The following SNRPB2 variants were observed in gnomAD, a reference collection of about 807,000 sequenced individuals.
The protein encoded by SNRPB2 is U2 small nuclear ribonucleoprotein B''.
A neutral mutation model predicts 26.3 loss-of-function variants in SNRPB2; 16 were observed. The observed-to-expected ratio is 0.61, with a 90% CI of 0.41 to 0.92. The LOEUF (loss-of-function observed/expected upper bound fraction) is 0.92, where lower values mean the gene tolerates loss of function less well. Among genes scored for constraint, SNRPB2 ranks in the 40% least tolerant of loss-of-function variants. SNRPB2 has a pLI of 0.00. For missense variants in SNRPB2, 179 were observed against 268.1 expected (o/e 0.67, Z 2.32); for synonymous variants, 75 against 89.0 (o/e 0.84, Z 0.88).
chr20:16,737,388 A>T lies in SNRPB2; in HGVS notation c.365A>T (p.Lys122Ile). The change falls in exon 4 of 7, where the codon AAA becomes ATA. Residue 122 changes from lysine to isoleucine, a missense_variant. Physicochemically the swap from Lys to Ile is moderately radical, Grantham distance 102. Transcript: ENST00000246071. Reference protein sequence around the residue: ...TVEQTATTTNKKPGQGTPNSA... With the variant: ...TVEQTATTTNIKPGQGTPNSA... ...GAACAGACTGCAACAACCACAAACA[A>T]AAAGCCTGGCCAGGTAAGAAAGACC... 1 of 1,585,250 alleles carries T rather than the reference A, an allele frequency of 6.3e-7. No homozygotes were observed. Among genetic ancestry groups the T allele is most frequent in the Non-Finnish European group, 8.5e-7 (1 of 1,172,992 alleles).
At chr20:16,734,399 A>G (rs76348945) in intron 3 of SNRPB2, among the ~76,000 whole-genome samples, 9,692 of 152,218 alleles carry the variant, frequency 0.064, 422 homozygotes, top group Middle Eastern at 0.12. Flanking sequence ...AAAATTTGCT[A>G]TAACTTGGAA....
In SNRPB2 at chr20:16,742,361, AT is replaced by A. The variant is rs1276437972; in HGVS notation, c.*1357del. The A allele has an allele frequency of 6.6e-6, 1 of 152,148 alleles. No homozygotes were observed. Among genetic ancestry groups the A allele is most frequent in the Non-Finnish European group, 1.5e-5 (1 of 68,032 alleles). 9.4% of individuals were successfully genotyped at this position (152,148 alleles called of 1,614,324 possible). A position where few individuals can be genotyped will look rare whatever the true frequency, so the allele number is the denominator to read the frequency against. ...ACTGATCCCATGCCCAGTCCTGGCCATGCTTTGAGTGGCTGTATTGGAGCAG... is the reference window on the plus strand; with the variant it reads ...ACTGATCCCATGCCCAGTCCTGGCCAGCTTTGAGTGGCTGTATTGGAGCAG... On this transcript the variant is annotated 3_prime_UTR_variant, in exon 7 of 7. Coordinates refer to ENST00000246071, the MANE Select transcript of SNRPB2 (RefSeq NM_003092.5).
In SNRPB2 at chr20:16,731,601, TAATAA is replaced by T. The variant is rs909793122; in HGVS notation, c.-35-66_-35-62del. 66 of 1,472,006 alleles carry T rather than the reference TAATAA, an allele frequency of 4.5e-5. No individual in the cohort carries two copies. In the African/African-American group the frequency reaches 7.7e-4, roughly 17 times the overall value. 91.2% of individuals were successfully genotyped at this position (1,472,006 alleles called of 1,614,324 possible). On this transcript the variant is annotated intron_variant, in intron 1 of 6. Coordinates refer to ENST00000246071, the MANE Select transcript of SNRPB2 (RefSeq NM_003092.5). The stretch of plus-strand genomic sequence containing the variant: ...TGGGATTGAAAGAGAAATGAAAAGT[TAATAA>T]TTCTTGTGTTGTGTCCTTATGCCAC...
At chr20:16,739,887 G>T (rs1294564612) in intron 5 of SNRPB2, among the ~76,000 whole-genome samples, 1 of 149,352 alleles carries the variant, frequency 6.7e-6, no homozygotes, top group Non-Finnish European at 1.5e-5. Flanking sequence ...GTTCTCGGTG[G>T]TAATCTTTCT....
chr20:16,731,991 CTT>C (rs1319104715), intron 2 of SNRPB2, among the ~76,000 whole-genome samples, 171 bp from the exon 3 acceptor site: 3 of 152,004 alleles, frequency 2.0e-5, no homozygotes, highest in Non-Finnish European at 4.4e-5. Flanking sequence ...TTTCATATAA[CTT>C]TTAAAATTAC....
Position 16,742,300 on chromosome 20 carries a change from T to C in SNRPB2, c.*1295T>C, listed in dbSNP as rs142942865. On this transcript the variant is annotated 3_prime_UTR_variant, in exon 7 of 7. Transcript: ENST00000246071. ...AATTTTCTAACTGCTTACTCTCGGA[T>C]ACCGTACTTGTCTAAGAACTGAAAA... 1 of 152,182 alleles carries C rather than the reference T, an allele frequency of 6.6e-6. No homozygotes were observed. Among genetic ancestry groups the C allele is most frequent in the Non-Finnish European group, 1.5e-5 (1 of 68,036 alleles). The allele number at this position is 152,182 out of a possible 1,614,324, so 9.4% of individuals were successfully genotyped here. A position where few individuals can be genotyped will look rare whatever the true frequency, so the allele number is the denominator to read the frequency against.
chr20:16,737,218 C>A, intron 3 of SNRPB2, 43 bp from the exon 4 acceptor site: 1 of 1,500,704 alleles, frequency 6.7e-7, no homozygotes, highest in African/African-American at 1.4e-5. Context: ...GTGTAAACAT[C>A]CTTCAGCATG....
chr20:16,735,297 A>T (rs925573432), intron 3 of SNRPB2, among the ~76,000 whole-genome samples: 1 of 146,218 alleles, frequency 6.8e-6, no homozygotes, highest in Admixed American at 6.7e-5. Context: ...TATTGTATAC[A>T]AAGTAATTTG....
Position 16,734,940 on chromosome 20 carries a change from C to T in SNRPB2, c.238-2321C>T, listed in dbSNP as rs892617780. The stretch of plus-strand genomic sequence containing the variant: ...GGAGTTGTGAGGGAACCCTTAGGAC[C>T]AAGTCAGAAGTTAGTCTAACCCTTC... On this transcript the variant is annotated intron_variant, in intron 3 of 6. Transcript: ENST00000246071. Among the ~76,000 whole-genome samples the T allele has an allele frequency of 2.2e-4, 33 of 152,248 alleles. 1 individual carries two copies. The highest frequency in any genetic ancestry group is 5.8e-4 in the African/African-American group (24 of 41,548).
intron 1 of SNRPB2, 143 bp from the exon 2 acceptor site, chr20:16,731,524 AG>A (rs2072390765): frequency 2.9e-6 from 2 of 690,932 alleles, no homozygotes; most frequent in Non-Finnish European, 4.6e-6. Flanking sequence ...GAGGGCTAGT[AG>A]GTGCTGGAGA....
At chr20:16,732,895 C>T (rs984473112) in intron 3 of SNRPB2, among the ~76,000 whole-genome samples, 4 of 152,068 alleles carry the variant, frequency 2.6e-5, no homozygotes, top group Admixed American at 2.0e-4. Flanking sequence ...GGATGAAGGT[C>T]GCATTGTGGG....
At position 16,741,922 on chromosome 20, in the gene SNRPB2, T is replaced by G. The variant is rs1391375260; in HGVS notation, c.*917T>G. On this transcript the variant is annotated 3_prime_UTR_variant, in exon 7 of 7. Transcript: ENST00000246071. ...GTATCTCCAGAAGTGGACAATTTGTTTTTACAAGTATGGTACATATTAATA... is the reference window on the plus strand; with the variant it reads ...GTATCTCCAGAAGTGGACAATTTGTGTTTACAAGTATGGTACATATTAATA... The G allele has an allele frequency of 2.0e-5, 3 of 152,206 alleles. No individual in the cohort carries two copies. Among genetic ancestry groups the G allele is most frequent in the African/African-American group, 7.2e-5 (3 of 41,438 alleles). 9.4% of individuals were successfully genotyped at this position (152,206 alleles called of 1,614,324 possible). A position where few individuals can be genotyped will look rare whatever the true frequency, so the allele number is the denominator to read the frequency against.
intron 3 of SNRPB2, among the ~76,000 whole-genome samples, chr20:16,736,041 C>T (rs2072424273): frequency 6.6e-6 from 1 of 152,154 alleles, no homozygotes; most frequent in Non-Finnish European, 1.5e-5. Context: ...TTTTTTTAAA[C>T]ACACGTGCTT....
intron 5 of SNRPB2, among the ~76,000 whole-genome samples, chr20:16,739,974 CTGAGTG>C (rs1225825445): frequency 6.7e-6 from 1 of 149,042 alleles, no homozygotes; most frequent in Non-Finnish European, 1.5e-5. Flanking sequence ...CTGAGTGATA[CTGAGTG>C]TGGTAACCAG....
At chr20:16,735,209 A>G (rs1447821611) in intron 3 of SNRPB2, among the ~76,000 whole-genome samples, 2 of 151,382 alleles carry the variant, frequency 1.3e-5, no homozygotes, top group African/African-American at 2.5e-5. Flanking sequence ...TGTAATCCAC[A>G]CTACTTTAAA....
At chr20:16,740,265 G>A (rs1413223740) in intron 5 of SNRPB2, 60 bp from the exon 6 acceptor site, 1 of 1,593,678 alleles carries the variant, frequency 6.3e-7, no homozygotes, top group African/African-American at 1.3e-5. Flanking sequence ...GATTTCACAT[G>A]CCTAGCTTAC....
chr20:16,740,234 C>T (rs886873035), intron 5 of SNRPB2, 91 bp from the exon 6 acceptor site: 12 of 1,555,204 alleles, frequency 7.7e-6, no homozygotes, highest in Non-Finnish European at 1.0e-5. Context: ...TGTTTTTCAG[C>T]TTTATTGTTT....
Position 16,731,731 on chromosome 20 carries a change from A to C in SNRPB2, c.29A>C (p.Tyr10Ser), listed in dbSNP as rs892030383. ...GATATCAGACCAAATCATACAATTT[A>C]TATCAACAATATGAATGACAAAATT... The part of the protein sequence containing the change: MDIRPNHTI[Y>S]INNMNDKIKK... Residue 10 changes from tyrosine (Y) to serine (S), a missense_variant, in exon 2 of 7, where the codon TAT becomes TCT. Coordinates refer to ENST00000246071, the MANE Select transcript of SNRPB2 (RefSeq NM_003092.5). 6.2e-7 allele frequency: 1 copy of C among 1,612,506 alleles called. No individual in the cohort carries two copies. The highest frequency in any genetic ancestry group is 8.5e-7 in the Non-Finnish European group (1 of 1,178,954).
chr20:16,734,091 A>T (rs1261087705), intron 3 of SNRPB2, among the ~76,000 whole-genome samples: 1 of 152,216 alleles, frequency 6.6e-6, no homozygotes, highest in Non-Finnish European at 1.5e-5. Context: ...AGTTGAGATG[A>T]CAAGTTTGCA....
Sources: allele counts gnomAD v4.1 joint callset (sites outside exome capture counted in the v4.1 genomes callset), GRCh38; gene constraint gnomAD v4.1.1; transcripts MANE v1.5; gene names NCBI Gene and HGNC (gene_info 2026-07-23, HGNC 2026-07-21).